Variants in ITPR2 observed in about 807,000 individuals in gnomAD.
The protein encoded by ITPR2 is inositol 1,4,5-trisphosphate-gated calcium channel ITPR2.
Under a neutral mutation model 317.1 loss-of-function variants are expected in ITPR2, and 207 were observed. That is an observed-to-expected ratio of 0.65 (90% CI 0.58 to 0.73). The LOEUF (loss-of-function observed/expected upper bound fraction) is 0.73, where lower values mean the gene tolerates loss of function less well. Ranked by LOEUF, ITPR2 falls within the 30% of genes least tolerant of loss-of-function variation. The pLI is 0.00. For missense variants in ITPR2, 2,613 were observed against 3,284.0 expected, an observed-to-expected ratio of 0.80 and a Z score of 4.99; for synonymous variants, 1,156 against 1,149.1, an observed-to-expected ratio of 1.01 and a Z score of -0.12.
chr12:26,627,860 G>A (rs975132048), intron 23 of ITPR2, among the ~76,000 whole-genome samples, 173 bp downstream of exon 23: 4 of 151,982 alleles, frequency 2.6e-5, no homozygotes, highest in Admixed American at 1.3e-4. Context: ...AACATGGCAC[G>A]TGTATACCTA....
intron 48 of ITPR2, among the ~76,000 whole-genome samples, chr12:26,433,499 A>G (rs1592019230): frequency 6.6e-6 from 1 of 151,920 alleles, no homozygotes; most frequent in Admixed American, 6.6e-5. Context: ...TTGTAGTGTA[A>G]TTGTTTTTTT....
At chr12:26,360,395 A>G (rs2136576994) in intron 55 of ITPR2, among the ~76,000 whole-genome samples, 1 of 152,196 alleles carries the variant, frequency 6.6e-6, no homozygotes, top group South Asian at 2.1e-4. Context: ...AGTGATGATG[A>G]TCTTTAGCTT....
Position 26,339,165 on chromosome 12 carries a change from A to T in ITPR2, c.*232T>A, listed in dbSNP as rs117994809. 1.3e-3 allele frequency: 582 copies of T among 458,982 alleles called. 5 individuals carry two copies. In the East Asian group the frequency reaches 0.02, roughly 16 times the overall value. The allele number at this position is 458,982 out of a possible 1,614,324, so 28.4% of individuals were successfully genotyped here. Reference sequence around the variant, plus strand: ...TGGGCAAGCCTTTTCTTCCTGATGCATTGCGAATGTGTGATGTACGCTTTC... The same window carrying T: ...TGGGCAAGCCTTTTCTTCCTGATGCTTTGCGAATGTGTGATGTACGCTTTC... On this transcript the variant is annotated 3_prime_UTR_variant, in exon 57 of 57. Transcript: ENST00000381340.
intron 10 of ITPR2, among the ~76,000 whole-genome samples, chr12:26,688,539 C>A (rs1426931664): frequency 6.6e-6 from 1 of 151,142 alleles, no homozygotes; most frequent in Non-Finnish European, 1.5e-5. Flanking sequence ...GAAGGAGAAG[C>A]AGAGGAAGAA....
intron 37 of ITPR2, among the ~76,000 whole-genome samples, chr12:26,515,946 C>T (rs572282993): frequency 1.4e-5 from 2 of 141,052 alleles, no homozygotes; most frequent in African/African-American, 2.6e-5. Flanking sequence ...TCCATCTCTA[C>T]AAAAAAAAAA....
In ITPR2 at chr12:26,490,363, C is replaced by A. The variant is rs553165605; in HGVS notation, c.5371-3112G>T. 3.9e-5 allele frequency among the ~76,000 whole-genome samples: 6 copies of A among 152,322 alleles called. No homozygotes were observed. In the East Asian group the frequency reaches 1.2e-3, roughly 29 times the overall value. On this transcript the variant is annotated intron_variant, in intron 39 of 56. Coordinates refer to ENST00000381340, the MANE Select transcript of ITPR2 (RefSeq NM_002223.4). Reference sequence around the variant, plus strand: ...GAAGAAGAAAGAATTTAATTAGGACCATTCATTCACAGAACCATTCACTTC... The same window carrying A: ...GAAGAAGAAAGAATTTAATTAGGACAATTCATTCACAGAACCATTCACTTC...
At chr12:26,548,973 C>T (rs16930973) in intron 37 of ITPR2, among the ~76,000 whole-genome samples, 5,311 of 152,278 alleles carry the variant, frequency 0.035, 135 homozygotes, top group Middle Eastern at 0.088. Context: ...AAATGGAAGA[C>T]TTGCCATGTA....
At chr12:26,636,472 G>A (rs1470041451) in intron 21 of ITPR2, among the ~76,000 whole-genome samples, 1 of 152,042 alleles carries the variant, frequency 6.6e-6, no homozygotes, top group African/African-American at 2.4e-5. Context: ...TCAAAGTAAC[G>A]CATGAATAAC....
At chr12:26,459,014 C>G (rs958798369) in intron 45 of ITPR2, among the ~76,000 whole-genome samples, 9 of 152,218 alleles carry the variant, frequency 5.9e-5, no homozygotes, top group Non-Finnish European at 1.0e-4. Flanking sequence ...AATTCCTAGT[C>G]TGGTAGATAA....
intron 10 of ITPR2, among the ~76,000 whole-genome samples, chr12:26,690,522 T>C (rs1431301256): frequency 2.0e-5 from 3 of 152,232 alleles, no homozygotes; most frequent in Non-Finnish European, 4.4e-5. Context: ...TATTTGGCAA[T>C]TGAAAGTTGG....
intron 55 of ITPR2, among the ~76,000 whole-genome samples, chr12:26,367,163 T>C (rs1170666667): frequency 6.6e-6 from 1 of 152,204 alleles, no homozygotes; most frequent in African/African-American, 2.4e-5. Flanking sequence ...GAGAAAATTG[T>C]ATAAAGTACT....
intron 9 of ITPR2, among the ~76,000 whole-genome samples, chr12:26,708,985 C>T (rs1948602730): frequency 6.6e-6 from 1 of 152,200 alleles, no homozygotes; most frequent in Non-Finnish European, 1.5e-5. Flanking sequence ...TGCTTCTCAA[C>T]TGCTGTCAGA....
intron 25 of ITPR2, among the ~76,000 whole-genome samples, chr12:26,621,671 C>T (rs1342139935): frequency 2.0e-5 from 3 of 152,060 alleles, no homozygotes; most frequent in Non-Finnish European, 4.4e-5. Context: ...TGATGTATAA[C>T]TACCCTTTTA....
chr12:26,708,412 A>G (rs962669901), intron 9 of ITPR2, among the ~76,000 whole-genome samples: 4 of 152,258 alleles, frequency 2.6e-5, no homozygotes, highest in Non-Finnish European at 5.9e-5. Context: ...AATATTATTC[A>G]GCCATAAAAA....
chr12:26,354,192 T>C (rs1406725365), intron 55 of ITPR2, among the ~76,000 whole-genome samples: 3 of 152,094 alleles, frequency 2.0e-5, no homozygotes, highest in African/African-American at 7.2e-5. Flanking sequence ...GAGAATCTCT[T>C]GAACCCGGGA....
intron 21 of ITPR2, among the ~76,000 whole-genome samples, chr12:26,652,945 T>G (rs1483080382): frequency 6.6e-6 from 1 of 152,252 alleles, no homozygotes; most frequent in African/African-American, 2.4e-5. Flanking sequence ...AACTTTGTAT[T>G]GACTTATGAG....
chr12:26,356,263 C>A (rs182087267), intron 55 of ITPR2, among the ~76,000 whole-genome samples: 159 of 152,314 alleles, frequency 1.0e-3, no homozygotes, highest in African/African-American at 2.9e-3. Flanking sequence ...CGTGGTCCTG[C>A]ACACACCTTC....
In ITPR2 at chr12:26,827,111, T is replaced by G. The variant is rs529600355; in HGVS notation, c.92+5579A>C. On this transcript the variant is annotated intron_variant, in intron 1 of 56. Coordinates refer to ENST00000381340, the MANE Select transcript of ITPR2 (RefSeq NM_002223.4). ...AAACTATAACCTTAAGACATGCCAG[T>G]AGAAAATAAAAATAGTTTATTTAAA... 5.9e-5 allele frequency among the ~76,000 whole-genome samples: 9 copies of G among 152,270 alleles called. No individual in the cohort carries two copies. The South Asian group carries it at 1.5e-3, about 25-fold the overall frequency.
chr12:26,823,176 A>G (rs1250375570), intron 1 of ITPR2, among the ~76,000 whole-genome samples: 1 of 152,168 alleles, frequency 6.6e-6, no homozygotes, highest in East Asian at 1.9e-4. Flanking sequence ...GAAAAAAACA[A>G]AAATTGCCTG....
Sources: allele counts gnomAD v4.1 joint callset (sites outside exome capture counted in the v4.1 genomes callset), GRCh38; gene constraint gnomAD v4.1.1; transcripts MANE v1.5; gene names NCBI Gene and HGNC (gene_info 2026-07-23, HGNC 2026-07-21).